The following KCNK1 variants were observed in gnomAD, a reference collection of about 807,000 sequenced individuals.
The protein encoded by KCNK1 is potassium two pore domain channel subfamily K member 1, also known as potassium channel subfamily K member 1.
KCNK1 carries 10 observed loss-of-function variants against 22.2 expected under a neutral mutation model. The observed-to-expected ratio is 0.45, with a 90% CI of 0.28 to 0.76. The LOEUF is 0.76. Among genes scored for constraint, KCNK1 ranks in the 30% least tolerant of loss-of-function variants. The pLI is 0.14. For missense variants in KCNK1, 378 were observed against 421.0 expected (o/e 0.90, Z 0.89); for synonymous variants, 200 against 186.4 (o/e 1.07, Z -0.60).
intron 1 of KCNK1, among the ~76,000 whole-genome samples, chr1:233,616,469 G>A (rs1657489707): frequency 6.6e-6 from 1 of 152,126 alleles, no homozygotes; most frequent in Non-Finnish European, 1.5e-5. Context: ...GAAAGGGGTG[G>A]GGTGGGAATA....
chr1:233,615,202 G>C (rs13375171), intron 1 of KCNK1, among the ~76,000 whole-genome samples: 5,028 of 152,330 alleles, frequency 0.033, 275 homozygotes, highest in African/African-American at 0.11. Context: ...GGGTGAGGGA[G>C]AGTAAAGGAA....
intron 1 of KCNK1, among the ~76,000 whole-genome samples, chr1:233,638,924 G>A (rs141950910): frequency 1.6e-4 from 25 of 152,270 alleles, no homozygotes; most frequent in East Asian, 3.9e-4. Flanking sequence ...CCACTACCTC[G>A]GGGTAAATGT....
chr1:233,620,495 A>G (rs550011380), intron 1 of KCNK1, among the ~76,000 whole-genome samples: 7 of 152,278 alleles, frequency 4.6e-5, no homozygotes, highest in Admixed American at 2.0e-4. Flanking sequence ...TTGTGATCCA[A>G]TTTGTGTCAC....
intron 1 of KCNK1, among the ~76,000 whole-genome samples, chr1:233,661,015 T>A (rs1384515750): frequency 6.6e-6 from 1 of 152,156 alleles, no homozygotes; most frequent in Non-Finnish European, 1.5e-5. Context: ...AAATAACAAC[T>A]CTAGGATTTG....
chr1:233,630,290 A>G (rs1657769067), intron 1 of KCNK1, among the ~76,000 whole-genome samples: 1 of 152,240 alleles, frequency 6.6e-6, no homozygotes, highest in Non-Finnish European at 1.5e-5. Context: ...ATTTTTTGTC[A>G]GAGCAAAACC....
chr1:233,667,672 G>A (rs975335009), intron 2 of KCNK1, among the ~76,000 whole-genome samples: 1 of 143,268 alleles, frequency 7.0e-6, no homozygotes. Flanking sequence ...GGAGCTTGCA[G>A]TGAGCCGAGA....
In KCNK1 at chr1:233,650,354, T is replaced by C. The variant is rs553892021; in HGVS notation, c.356-16241T>C. Among the ~76,000 whole-genome samples, 11 of 152,282 alleles carry C rather than the reference T, an allele frequency of 7.2e-5. 1 individual carries two copies. The South Asian group carries it at 2.3e-3, about 32-fold the overall frequency. On this transcript the variant is annotated intron_variant, in intron 1 of 2. Coordinates refer to ENST00000366621, the MANE Select transcript of KCNK1 (RefSeq NM_002245.4). ...ACTGTTGTTAAGTCTTTAATTACTG[T>C]CAGGGACCACTTTAATAACATCTGT...
chr1:233,614,681 C>T (rs1657452559), intron 1 of KCNK1, among the ~76,000 whole-genome samples, 155 bp downstream of exon 1: 1 of 151,298 alleles, frequency 6.6e-6, no homozygotes, highest in African/African-American at 2.4e-5. Flanking sequence ...CACTGTCCTC[C>T]CGACCCTCCG....
intron 1 of KCNK1, among the ~76,000 whole-genome samples, 175 bp downstream of exon 1, chr1:233,614,701 T>A (rs929131258): frequency 1.4e-5 from 2 of 142,556 alleles, no homozygotes; most frequent in Non-Finnish European, 3.1e-5. Context: ...GACCTTCCCC[T>A]TACTGGCGTC....
intron 1 of KCNK1, among the ~76,000 whole-genome samples, chr1:233,616,089 A>G (rs1457554293): frequency 6.6e-6 from 1 of 152,144 alleles, no homozygotes; most frequent in Non-Finnish European, 1.5e-5. Flanking sequence ...TCCTCAGATC[A>G]TTTAGGAGTC....
At chr1:233,616,240 G>A (rs1349190075) in intron 1 of KCNK1, among the ~76,000 whole-genome samples, 1 of 152,154 alleles carries the variant, frequency 6.6e-6, no homozygotes, top group East Asian at 1.9e-4. Context: ...TGCTTATAGC[G>A]TGTGGTGTTT....
chr1:233,631,738 G>T (rs1657801771), intron 1 of KCNK1, among the ~76,000 whole-genome samples: 1 of 152,206 alleles, frequency 6.6e-6, no homozygotes, highest in Admixed American at 6.5e-5. Context: ...TGTTCCTAAA[G>T]AAATGTGCTC....
chr1:233,618,086 A>G (rs535524505), intron 1 of KCNK1, among the ~76,000 whole-genome samples: 47 of 152,268 alleles, frequency 3.1e-4, no homozygotes, highest in African/African-American at 8.7e-4. Flanking sequence ...GCTCCCTTGT[A>G]ATGAGGGTCT....
At position 233,614,444 on chromosome 1, in the gene KCNK1, G is replaced by T. The variant is rs779368911; in HGVS notation, c.273G>T (p.Ser91=). The change falls in exon 1 of 3, where the codon TCG becomes TCT. Residue 91 remains serine, a synonymous_variant. Coordinates refer to ENST00000366621, the MANE Select transcript of KCNK1 (RefSeq NM_002245.4). ...TGGAGGCCAGCAACTACGGCGTGTC[G>T]GTGCTCAGCAACGCCTCGGGCAACT... ...RVLEASNYGV[S]VLSNASGNWN... is the part of the protein sequence containing the mutation. 1.2e-6 allele frequency: 2 copies of T among 1,613,144 alleles called. No individual in the cohort carries two copies.
intron 1 of KCNK1, chr1:233,649,812 G>T: frequency 2.6e-6 from 1 of 381,002 alleles, no homozygotes; most frequent in Non-Finnish European, 5.4e-6. Context: ...TCTGGAAGTT[G>T]GGGGAACACA....
intron 2 of KCNK1, among the ~76,000 whole-genome samples, chr1:233,669,675 C>A (rs1485055585): frequency 6.6e-6 from 1 of 152,196 alleles, no homozygotes; most frequent in African/African-American, 2.4e-5. Flanking sequence ...GGTGAAACAC[C>A]ATCTCTACTA....
chr1:233,614,150 C>CTTGTCTTTGGCT lies in KCNK1; in HGVS notation c.-19_-18insTCTTTGGCTTTG, dbSNP rs1553262925. 2.0e-6 allele frequency: 3 copies of CTTGTCTTTGGCT among 1,537,808 alleles called. No homozygotes were observed. In the South Asian group the frequency reaches 3.6e-5, roughly 18 times the overall value. ...GCTCCGGCCGGTCTGCGGCGTTGGC[C>CTTGTCTTTGGCT]TTGGCGGCGGCGGTGGAGAAGATGC... On this transcript the variant is annotated 5_prime_UTR_variant, in exon 1 of 3. Coordinates refer to ENST00000366621, the MANE Select transcript of KCNK1 (RefSeq NM_002245.4).
intron 1 of KCNK1, among the ~76,000 whole-genome samples, chr1:233,638,792 A>G (rs1482947421): frequency 1.3e-5 from 2 of 152,144 alleles, no homozygotes; most frequent in African/African-American, 4.8e-5. Context: ...GAAACGTTTT[A>G]TGCCAGAGAG....
chr1:233,625,278 C>T (rs1322824581), intron 1 of KCNK1, among the ~76,000 whole-genome samples: 1 of 152,232 alleles, frequency 6.6e-6, no homozygotes, highest in East Asian at 1.9e-4. Flanking sequence ...TTCCTTCCTT[C>T]TGGGTGTGGG....
Sources: gnomAD v4.1 joint callset for allele counts (sites outside exome capture counted in the v4.1 genomes callset) on GRCh38, gnomAD v4.1.1 for gene constraint, MANE v1.5 for transcripts, NCBI Gene and HGNC (gene_info 2026-07-23, HGNC 2026-07-21) for gene names.